The following DPP6 variants were observed in gnomAD, a reference collection of about 807,000 sequenced individuals.
DPP6 encodes dipeptidyl peptidase like 6.
Under a neutral mutation model 122.6 loss-of-function variants are expected in DPP6, and 69 were observed. That is an observed-to-expected ratio of 0.56 (90% CI 0.46 to 0.69). The LOEUF is 0.69. Ranked by LOEUF, DPP6 falls within the 30% of genes least tolerant of loss-of-function variation. The pLI is 0.00. For missense variants in DPP6, 928 were observed against 1,116.9 expected (o/e 0.83, Z 2.41); for synonymous variants, 418 against 433.1 (o/e 0.97, Z 0.43).
intron 1 of DPP6, among the ~76,000 whole-genome samples, chr7:154,338,583 A>G (rs1809636668): frequency 1.3e-5 from 2 of 152,208 alleles, no homozygotes; most frequent in South Asian, 4.1e-4. Flanking sequence ...GTTAATTTCC[A>G]TCGCTGTCTT....
At position 153,966,554 on chromosome 7, in the gene DPP6, C is replaced by CTTTTT. The variant is rs753840054; in HGVS notation, c.51+78849_51+78853dup. Among the ~76,000 whole-genome samples the CTTTTT allele has an allele frequency of 2.2e-4, 9 of 41,360 alleles. 1 individual carries two copies. The highest frequency in any genetic ancestry group is 2.6e-4 in the Non-Finnish European group (7 of 26,574). The allele number at this position is 41,360 out of a possible 152,430, so 27.1% of individuals were successfully genotyped here. A position where few individuals can be genotyped will look rare whatever the true frequency, so the allele number is the denominator to read the frequency against. On this transcript the variant is annotated intron_variant, in intron 1 of 25. Coordinates refer to the DPP6 transcript ENST00000404039. ...AATTAAACGGTCTGTCCTGTGTTGGCTTTTTTTTTTTTTTTTTTTTTTTTT... is the reference window on the plus strand; with the variant it reads ...AATTAAACGGTCTGTCCTGTGTTGGCTTTTTTTTTTTTTTTTTTTTTTTTTTTTTT...
At position 154,643,239 on chromosome 7, in the gene DPP6, AT is replaced by A. The variant is rs142028442; in HGVS notation, c.680+5374del. Among the ~76,000 whole-genome samples, 6 of 152,004 alleles carry A rather than the reference AT, an allele frequency of 3.9e-5. No homozygotes were observed. In the South Asian group the frequency reaches 6.2e-4, roughly 16 times the overall value. On this transcript the variant is annotated intron_variant, in intron 6 of 25. Coordinates refer to ENST00000377770, the MANE Select transcript of DPP6 (RefSeq NM_130797.4). Reference sequence around the variant, plus strand: ...TGTCTACAATTCTCAATACTCAATAATTTTTTTTATATCATCTCATTCTGAC... The same window carrying A: ...TGTCTACAATTCTCAATACTCAATAATTTTTTTATATCATCTCATTCTGAC...
intron 1 of DPP6, among the ~76,000 whole-genome samples, chr7:154,206,568 A>C (rs1799460854): frequency 6.6e-6 from 1 of 152,144 alleles, no homozygotes; most frequent in Non-Finnish European, 1.5e-5. Context: ...ACCTTTCTTC[A>C]CTATGACCTC....
chr7:154,071,646 C>A (rs372269176), intron 1 of DPP6, among the ~76,000 whole-genome samples: 1 of 152,216 alleles, frequency 6.6e-6, no homozygotes, highest in Non-Finnish European at 1.5e-5. Flanking sequence ...TCGTTTCATC[C>A]ATTTCACTAC....
intron 7 of DPP6, among the ~76,000 whole-genome samples, chr7:154,724,533 T>C (rs1338681053): frequency 6.6e-6 from 1 of 152,194 alleles, no homozygotes; most frequent in Non-Finnish European, 1.5e-5. Flanking sequence ...TCTGCCTCCA[T>C]ACTCATCTTC....
At chr7:153,764,950 G>A in the DPP6 span, among the ~76,000 whole-genome samples, 35 of 152,232 alleles carry the variant, frequency 2.3e-4, no homozygotes, top group South Asian at 2.5e-3. Context: ...CAAAGCACCC[G>A]TTTCAGGCTC....
chr7:154,017,723 A>T lies in DPP6; in HGVS notation c.51+129989A>T, dbSNP rs1798493165. Among the ~76,000 whole-genome samples, 3 of 121,642 alleles carry T rather than the reference A, an allele frequency of 2.5e-5. No homozygotes were observed. In the South Asian group the frequency reaches 8.4e-4, roughly 34 times the overall value. 79.8% of individuals were successfully genotyped at this position (121,642 alleles called of 152,430 possible). On this transcript the variant is annotated intron_variant, in intron 1 of 25. Coordinates refer to the DPP6 transcript ENST00000404039. ...CTAAAAAAAATAAAAAAAAAATAAA[A>T]AAATAAAAAAAAAAAAAAGAAAAAT...
chr7:154,290,139 T>G (rs1292997705), intron 1 of DPP6, among the ~76,000 whole-genome samples: 1 of 152,232 alleles, frequency 6.6e-6, no homozygotes, highest in Non-Finnish European at 1.5e-5. Flanking sequence ...GTTGCTCATG[T>G]TGCCAGTACC....
intron 1 of DPP6, among the ~76,000 whole-genome samples, chr7:153,936,741 G>A (rs2129015315): frequency 6.6e-6 from 1 of 152,184 alleles, no homozygotes; most frequent in South Asian, 2.1e-4. Flanking sequence ...AACCTGGGAG[G>A]TGGAGCTTGC....
intron 1 of DPP6, among the ~76,000 whole-genome samples, chr7:153,937,646 C>G (rs1164151695): frequency 6.6e-6 from 1 of 152,110 alleles, no homozygotes; most frequent in Non-Finnish European, 1.5e-5. Flanking sequence ...TGGGGTTTCA[C>G]CATGTTGGCC....
rs1451061735 is a variant in DPP6 at position 154,224,442 on chromosome 7, G to T, written c.243+171379G>T. Among the ~76,000 whole-genome samples, 2 of 149,178 alleles carry T rather than the reference G, an allele frequency of 1.3e-5. 1 individual carries two copies. The highest frequency in any genetic ancestry group is 5.1e-5 in the African/African-American group (2 of 39,208). The stretch of plus-strand genomic sequence containing the variant: ...GATGACTGCTAAGTTCTGTGCTCTG[G>T]ATAAAAATGAAACTCAACTTTGAGG... On this transcript the variant is annotated intron_variant, in intron 1 of 25. Transcript: ENST00000377770.
chr7:153,814,133 T>C, the DPP6 span, among the ~76,000 whole-genome samples: 3 of 152,296 alleles, frequency 2.0e-5, no homozygotes, highest in Admixed American at 2.0e-4. Flanking sequence ...CTAGGGTTTC[T>C]TCTAGGGTTT....
the DPP6 span, among the ~76,000 whole-genome samples, chr7:153,803,464 C>T: frequency 6.6e-6 from 1 of 151,872 alleles, no homozygotes; most frequent in African/African-American, 2.4e-5. Context: ...CCCCTGCCTA[C>T]CTGCCTGAAC....
chr7:154,631,715 G>A (rs868183505), intron 5 of DPP6, among the ~76,000 whole-genome samples: 3 of 152,054 alleles, frequency 2.0e-5, no homozygotes, highest in Non-Finnish European at 4.4e-5. Flanking sequence ...TATGGCCAGA[G>A]GTTTTTTGTT....
chr7:154,142,099 A>G (rs531395946), intron 1 of DPP6, among the ~76,000 whole-genome samples: 1 of 152,182 alleles, frequency 6.6e-6, no homozygotes, highest in Non-Finnish European at 1.5e-5. Context: ...AAGATATCGT[A>G]CTCCCAGGAA....
intron 1 of DPP6, among the ~76,000 whole-genome samples, chr7:153,908,117 A>G (rs1165255559): frequency 6.7e-6 from 1 of 149,150 alleles, no homozygotes; most frequent in Non-Finnish European, 1.5e-5. Flanking sequence ...ATTGTGAGTC[A>G]GCAAAATTCA....
the DPP6 span, among the ~76,000 whole-genome samples, chr7:153,837,837 A>ATTTTTCTTTTTTT: frequency 2.9e-4 from 23 of 80,640 alleles, no homozygotes; most frequent in African/African-American, 9.6e-4. Flanking sequence ...TGCCTGGTTA[A>ATTTTTCTTTTTTT]TTTTTTTTTT....
At chr7:154,331,532 T>G (rs1218781614) in intron 1 of DPP6, among the ~76,000 whole-genome samples, 1 of 152,114 alleles carries the variant, frequency 6.6e-6, no homozygotes, top group Admixed American at 6.5e-5. Context: ...CACTCATCTG[T>G]GGGGAAGCTA....
At chr7:154,636,862 G>A (rs544374733) in intron 5 of DPP6, among the ~76,000 whole-genome samples, 73 of 152,196 alleles carry the variant, frequency 4.8e-4, no homozygotes, top group African/African-American at 1.3e-3. Flanking sequence ...TTGCCTCCAC[G>A]TCCCTCACCT....
Sources: gnomAD v4.1 joint callset for allele counts (sites outside exome capture counted in the v4.1 genomes callset) on GRCh38, gnomAD v4.1.1 for gene constraint, MANE v1.5 for transcripts, NCBI Gene and HGNC (gene_info 2026-07-23, HGNC 2026-07-21) for gene names.